AFG2A: variants seen among roughly 807,000 people sequenced by gnomAD.
AFG2A encodes the protein ATPase family gene 2 protein homolog A.
chr4:123,263,733 A>T, the AFG2A span, among the ~76,000 whole-genome samples: 1 of 152,204 alleles, frequency 6.6e-6, no homozygotes, highest in East Asian at 1.9e-4. Context: ...TGGATGTGCT[A>T]AAAAGGGGAC....
At chr4:123,174,253 A>G in the AFG2A span, among the ~76,000 whole-genome samples, 5 of 152,234 alleles carry the variant, frequency 3.3e-5, no homozygotes, top group African/African-American at 9.6e-5. Context: ...ATGCATTTAA[A>G]CATTAACCTA....
chr4:123,085,632 G>T, the AFG2A span, among the ~76,000 whole-genome samples: 20 of 25,826 alleles, frequency 7.7e-4, no homozygotes, highest in Non-Finnish European at 2.8e-3. Flanking sequence ...ATATAGTTAG[G>T]TCTTATTTTT....
the AFG2A span, among the ~76,000 whole-genome samples, chr4:123,120,056 T>A: frequency 6.6e-6 from 1 of 152,084 alleles, no homozygotes; most frequent in East Asian, 1.9e-4. Context: ...TTACGGAGAT[T>A]ACAATTCAAG....
the AFG2A span, among the ~76,000 whole-genome samples, chr4:123,269,388 AAACAT>A: frequency 2.0e-5 from 3 of 152,200 alleles, no homozygotes; most frequent in South Asian, 2.1e-4. Context: ...TATTTCTCAG[AAACAT>A]AACATGAGTA....
At chr4:123,090,888 C>T in the AFG2A span, among the ~76,000 whole-genome samples, 22 of 152,344 alleles carry the variant, frequency 1.4e-4, no homozygotes, top group Middle Eastern at 3.4e-3. Flanking sequence ...ACAGAACATT[C>T]TTGCATACAA....
At chr4:123,293,519 G>A in the AFG2A span, among the ~76,000 whole-genome samples, 3 of 152,284 alleles carry the variant, frequency 2.0e-5, no homozygotes, top group East Asian at 1.9e-4. Context: ...TAGCCACCCT[G>A]TGGGGGCTGC....
the AFG2A span, among the ~76,000 whole-genome samples, chr4:123,293,212 C>A: frequency 5.9e-5 from 9 of 152,080 alleles, no homozygotes; most frequent in South Asian, 2.1e-4. Context: ...GAGTCCCAGC[C>A]ACGTCTGCAG....
the AFG2A span, among the ~76,000 whole-genome samples, chr4:123,228,563 A>G: frequency 6.6e-6 from 1 of 152,038 alleles, no homozygotes. Context: ...TCGGAATACT[A>G]ATAGCGTTCA....
At chr4:123,286,863 A>G in the AFG2A span, among the ~76,000 whole-genome samples, 3,323 of 152,194 alleles carry the variant, frequency 0.022, 64 homozygotes, top group Non-Finnish European at 0.035. Context: ...GGCCTTTAAA[A>G]AAAAAAAAAG....
At chr4:123,288,386 GGATT>G in the AFG2A span, among the ~76,000 whole-genome samples, 1,279 of 152,170 alleles carry the variant, frequency 8.4e-3, 4 homozygotes, top group Non-Finnish European at 0.014. Flanking sequence ...ATAAATAGAA[GGATT>G]GATCTTGGCA....
At chr4:123,209,523 C>T in the AFG2A span, among the ~76,000 whole-genome samples, 2 of 151,700 alleles carry the variant, frequency 1.3e-5, no homozygotes, top group African/African-American at 2.4e-5. Context: ...ATTGAGGTGG[C>T]CCTATGAACT....
chr4:123,156,513 A>G, the AFG2A span, among the ~76,000 whole-genome samples: 2 of 152,184 alleles, frequency 1.3e-5, no homozygotes, highest in East Asian at 3.8e-4. Context: ...AATTACAAAT[A>G]AAAACTTAGA....
chr4:123,281,754 G>A, the AFG2A span, among the ~76,000 whole-genome samples: 1 of 152,130 alleles, frequency 6.6e-6, no homozygotes, highest in Non-Finnish European at 1.5e-5. Flanking sequence ...AGATTATCCA[G>A]TGCTAAAAAG....
chr4:123,114,776 G>A, the AFG2A span, among the ~76,000 whole-genome samples: 1 of 152,232 alleles, frequency 6.6e-6, no homozygotes. Flanking sequence ...CATTGACTGT[G>A]CTGCCTTCTC....
At chr4:123,124,928 GT>G in the AFG2A span, among the ~76,000 whole-genome samples, 1 of 152,068 alleles carries the variant, frequency 6.6e-6, no homozygotes, top group East Asian at 1.9e-4. Flanking sequence ...TATTTCTCTG[GT>G]TTTGTTTGGC....
At chr4:123,248,073 C>CA in the AFG2A span, among the ~76,000 whole-genome samples, 15 of 150,644 alleles carry the variant, frequency 1.0e-4, no homozygotes, top group South Asian at 4.2e-4. Flanking sequence ...GCTTTGCACA[C>CA]AAAAAAAAAA....
At chr4:123,197,651 C>A in the AFG2A span, among the ~76,000 whole-genome samples, 1 of 152,028 alleles carries the variant, frequency 6.6e-6, no homozygotes, top group Non-Finnish European at 1.5e-5. Context: ...GCCTGTAATC[C>A]CAGCTACTTG....
At chr4:123,197,927 G>A in the AFG2A span, among the ~76,000 whole-genome samples, 4 of 151,942 alleles carry the variant, frequency 2.6e-5, no homozygotes, top group Non-Finnish European at 2.9e-5. Context: ...TTTAAATAAC[G>A]TTAATAGAAA....
the AFG2A span, chr4:123,102,232 A>G: frequency 1.3e-5 from 2 of 150,992 alleles, no homozygotes; most frequent in African/African-American, 4.9e-5. Flanking sequence ...ATTTCTTCAA[A>G]CAGATCATAA....
Sources: allele counts gnomAD v4.1 joint callset (sites outside exome capture counted in the v4.1 genomes callset), GRCh38; gene constraint gnomAD v4.1.1; transcripts MANE v1.5; gene names NCBI Gene and HGNC (gene_info 2026-07-23, HGNC 2026-07-21).